SYNE3: variants seen among roughly 807,000 people sequenced by gnomAD.
SYNE3 encodes the protein spectrin repeat containing nuclear envelope family member 3, also known as nesprin-3.
Under a neutral mutation model 111.2 loss-of-function variants are expected in SYNE3, and 100 were observed. The observed-to-expected ratio is 0.90, with a 90% confidence interval of 0.77 to 1.06. SYNE3 has a LOEUF of 1.06. SYNE3 is among the 50% of genes least tolerant of loss of function. The pLI is 0.00. For synonymous variants in SYNE3, 547 were observed against 533.9 expected, an observed-to-expected ratio of 1.02 and a Z score of -0.34; for missense variants, 1,160 against 1,240.3, an observed-to-expected ratio of 0.94 and a Z score of 0.97.
At chr14:95,501,361 G>A (rs570568756) in intron 1 of SYNE3, among the ~76,000 whole-genome samples, 5 of 152,284 alleles carry the variant, frequency 3.3e-5, no homozygotes, top group South Asian at 2.1e-4. Flanking sequence ...GCCCAGGACC[G>A]TGCCTGTCAT....
At chr14:95,499,570 T>C (rs1244160395) in intron 1 of SYNE3, among the ~76,000 whole-genome samples, 1 of 152,134 alleles carries the variant, frequency 6.6e-6, no homozygotes, top group African/African-American at 2.4e-5. Context: ...GAACTAACAT[T>C]ACTAAGTACC....
intron 1 of SYNE3, among the ~76,000 whole-genome samples, chr14:95,513,125 C>G (rs148904274): frequency 2.0e-3 from 299 of 152,292 alleles, no homozygotes; most frequent in African/African-American, 6.9e-3. Flanking sequence ...CCAGTAACTA[C>G]AAAGTGATCT....
chr14:95,487,797 G>A (rs1215555461), intron 1 of SYNE3, among the ~76,000 whole-genome samples: 2 of 151,968 alleles, frequency 1.3e-5, no homozygotes, highest in East Asian at 3.9e-4. Context: ...GAATGGAATG[G>A]GATGACACAG....
chr14:95,465,498 G>A (rs1025825374), intron 4 of SYNE3, among the ~76,000 whole-genome samples: 12 of 152,100 alleles, frequency 7.9e-5, no homozygotes, highest in African/African-American at 2.9e-4. Context: ...GGGTGAGTGA[G>A]GAAGAGGTGG....
rs778952658 is a variant in SYNE3, at chr14:95,436,890, T to C, written c.2468A>G (p.Lys823Arg). 2.5e-6 allele frequency: 4 copies of C among 1,614,232 alleles called. No individual in the cohort carries two copies. Among genetic ancestry groups the C allele is most frequent in the East Asian group, 2.2e-5 (1 of 44,884 alleles). ...FGQWLQVENSKLVRIIAMRTS... is the reference protein window; with the variant it reads ...FGQWLQVENSRLVRIIAMRTS... ...TCTCATTGCGATGATTCTAACCAGC[T>C]TGGAGTTTTCCACCTGCAACCACTG... is the stretch of plus-strand genomic sequence containing the variant. Residue 823 changes from lysine (K) to arginine (R), a missense_variant, in exon 15 of 18, where the codon AAG becomes AGG. By Grantham distance (26) the Lys-to-Arg change is conservative. Transcript: ENST00000682763.
intron 11 of SYNE3, among the ~76,000 whole-genome samples, 175 bp downstream of exon 11, chr14:95,442,980 G>A (rs1253750666): frequency 6.6e-6 from 1 of 152,150 alleles, no homozygotes; most frequent in African/African-American, 2.4e-5. Flanking sequence ...CCTGGCATAT[G>A]GGAGGTGCTC....
intron 4 of SYNE3, among the ~76,000 whole-genome samples, chr14:95,458,265 C>T (rs1479336093): frequency 6.6e-6 from 1 of 152,178 alleles, no homozygotes; most frequent in Non-Finnish European, 1.5e-5. Flanking sequence ...CATGATGTAG[C>T]TCTGTGGTCC....
intron 1 of SYNE3, among the ~76,000 whole-genome samples, chr14:95,492,378 T>A (rs1156777569): frequency 6.6e-6 from 1 of 152,262 alleles, no homozygotes; most frequent in Non-Finnish European, 1.5e-5. Context: ...CATCAACTGA[T>A]AAATGGATAA....
intron 17 of SYNE3, among the ~76,000 whole-genome samples, chr14:95,418,697 A>T (rs754977663): frequency 6.6e-5 from 10 of 151,618 alleles, no homozygotes; most frequent in Non-Finnish European, 1.2e-4. Context: ...TCCACCTCCC[A>T]GGTTCAATCA....
rs1886516233 is a variant in SYNE3 at position 95,443,354 on chromosome 14, C to T, written c.1777-65G>A. ...CTCTCCCTCCCTTGGGGTGGCCGAT[C>T]AGGGCAGAGCCTCTGAGTGGGAGAG... On this transcript the variant is annotated intron_variant, in intron 10 of 17. Coordinates refer to ENST00000682763, the MANE Select transcript of SYNE3 (RefSeq NM_152592.6). 19 of 1,590,450 alleles carry T rather than the reference C, an allele frequency of 1.2e-5. 1 individual carries two copies. The South Asian group carries it at 2.1e-4, about 17-fold the overall frequency.
chr14:95,430,320 G>A (rs149938209), intron 17 of SYNE3, among the ~76,000 whole-genome samples: 2,828 of 152,148 alleles, frequency 0.019, 33 homozygotes, highest in Middle Eastern at 0.037. Flanking sequence ...TAGGTCCCCC[G>A]TCTCCCACCA....
intron 11 of SYNE3, among the ~76,000 whole-genome samples, chr14:95,440,799 C>A (rs1326824334): frequency 6.6e-6 from 1 of 152,190 alleles, no homozygotes; most frequent in African/African-American, 2.4e-5. Flanking sequence ...TGGGCATGAC[C>A]GCAGGCACAG....
At position 95,470,391 on chromosome 14, in the gene SYNE3, G is replaced by A. The variant is rs915532236; in HGVS notation, c.145-2424C>T. Among the ~76,000 whole-genome samples the A allele has an allele frequency of 1.3e-5, 2 of 152,182 alleles. No individual in the cohort carries two copies. The highest frequency in any genetic ancestry group is 2.4e-5 in the African/African-American group (1 of 41,514). On this transcript the variant is annotated intron_variant, in intron 2 of 17. Coordinates refer to ENST00000682763, the MANE Select transcript of SYNE3 (RefSeq NM_152592.6). This position sits in a 1 kb window ranked among gnomAD's most constrained non-coding sequence, Gnocchi z 4.2. Reference sequence around the variant, plus strand: ...TCATGCCTGTAATCCCAGCAGTTTGGGAGACCAAGGCAGGAGGATCGCTGA... The same window carrying A: ...TCATGCCTGTAATCCCAGCAGTTTGAGAGACCAAGGCAGGAGGATCGCTGA...
chr14:95,479,960 A>G (rs1323222557), intron 1 of SYNE3, among the ~76,000 whole-genome samples: 1 of 152,180 alleles, frequency 6.6e-6, no homozygotes. Flanking sequence ...GCCAAGGACA[A>G]TGAGAAAAGG....
intron 9 of SYNE3, among the ~76,000 whole-genome samples, chr14:95,445,018 C>T (rs1886628975): frequency 6.6e-6 from 1 of 152,250 alleles, no homozygotes; most frequent in Admixed American, 6.5e-5. Context: ...CTAAAACCTT[C>T]ACTGTCTGGC....
intron 6 of SYNE3, 51 bp downstream of exon 6, chr14:95,455,326 C>T: frequency 7.0e-7 from 1 of 1,423,876 alleles, no homozygotes; most frequent in Non-Finnish European, 9.3e-7. Flanking sequence ...GTGCCAGGAC[C>T]CTGGGCACAG....
intron 4 of SYNE3, among the ~76,000 whole-genome samples, chr14:95,459,287 A>G (rs957903894): frequency 6.6e-6 from 1 of 152,276 alleles, no homozygotes; most frequent in African/African-American, 2.4e-5. Flanking sequence ...TGTGAAAGCC[A>G]TTCTAGCTCA....
At chr14:95,486,764 A>C (rs1889571966) in intron 1 of SYNE3, among the ~76,000 whole-genome samples, 1 of 152,216 alleles carries the variant, frequency 6.6e-6, no homozygotes, top group African/African-American at 2.4e-5. Context: ...ATTGAAAAGG[A>C]CTGTGCCAAA....
At chr14:95,466,319 TC>T in intron 3 of SYNE3, 79 bp from the exon 4 acceptor site, 1 of 1,456,936 alleles carries the variant, frequency 6.9e-7, no homozygotes. Context: ...TGTCACCCCC[TC>T]CCCAATACTA....
Sources: allele counts gnomAD v4.1 joint callset (sites outside exome capture counted in the v4.1 genomes callset), GRCh38; gene constraint gnomAD v4.1.1; non-coding constraint Gnocchi (gnomAD v3.1); transcripts MANE v1.5; gene names NCBI Gene and HGNC (gene_info 2026-07-23, HGNC 2026-07-21).